Variants in IGSF11 observed in about 807,000 individuals in gnomAD.
IGSF11 encodes immunoglobulin superfamily member 11.
In IGSF11, 22 loss-of-function variants were observed where a neutral mutation model predicts 41.0. The ratio of observed to expected loss-of-function variants is 0.54; its 90% CI spans 0.38 to 0.77. The LOEUF (loss-of-function observed/expected upper bound fraction) is 0.77. IGSF11 is among the 30% of genes least tolerant of loss of function. The pLI is 0.00. For synonymous variants in IGSF11, 219 were observed against 201.3 expected (o/e 1.09, Z -0.74); for missense variants, 444 against 530.8 (o/e 0.84, Z 1.61).
chr3:119,020,148 A>G (rs914663759), intron 1 of IGSF11, among the ~76,000 whole-genome samples: 10 of 152,176 alleles, frequency 6.6e-5, no homozygotes, highest in Non-Finnish European at 1.5e-4. Context: ...TAAGCCACCT[A>G]GTCTATTGTA....
intron 1 of IGSF11, among the ~76,000 whole-genome samples, chr3:119,045,818 T>C (rs972929255): frequency 5.3e-5 from 8 of 151,748 alleles, no homozygotes; most frequent in Admixed American, 5.3e-4. Context: ...GACTGCCTCC[T>C]CAAGTGGGTC....
chr3:118,965,923 T>C (rs1945643386), intron 1 of IGSF11, among the ~76,000 whole-genome samples: 1 of 151,728 alleles, frequency 6.6e-6, no homozygotes, highest in East Asian at 1.9e-4. Context: ...GTTGGGTGGA[T>C]GAGTTCTGGG....
chr3:119,033,896 TAAC>T (rs953060055), intron 1 of IGSF11, among the ~76,000 whole-genome samples: 5 of 152,232 alleles, frequency 3.3e-5, no homozygotes, highest in African/African-American at 7.2e-5. Flanking sequence ...TAAAAACCGT[TAAC>T]AAGAAATTTA....
intron 1 of IGSF11, among the ~76,000 whole-genome samples, chr3:119,088,155 T>C (rs1213199183): frequency 6.6e-6 from 1 of 152,034 alleles, no homozygotes; most frequent in East Asian, 1.9e-4. Flanking sequence ...TATTCTAAGA[T>C]TGACACATGC....
At chr3:119,138,065 CT>C (rs2077586443) in intron 1 of IGSF11, among the ~76,000 whole-genome samples, 1 of 151,198 alleles carries the variant, frequency 6.6e-6, no homozygotes, top group South Asian at 2.1e-4. Flanking sequence ...ACATTGAATG[CT>C]GGTGAGGATG....
intron 1 of IGSF11, among the ~76,000 whole-genome samples, chr3:119,111,378 C>T (rs1420798504): frequency 3.2e-4 from 49 of 152,304 alleles, no homozygotes; most frequent in South Asian, 1.9e-3. Flanking sequence ...TCCAGTTGAT[C>T]GCATCAGCTC....
intron 1 of IGSF11, among the ~76,000 whole-genome samples, chr3:119,007,441 G>T (rs947641003): frequency 6.6e-6 from 1 of 151,842 alleles, no homozygotes; most frequent in Non-Finnish European, 1.5e-5. Flanking sequence ...GCTCACGCTG[G>T]GAGCTGTAGA....
At chr3:118,962,116 C>G (rs1945376127) in intron 1 of IGSF11, among the ~76,000 whole-genome samples, 1 of 152,098 alleles carries the variant, frequency 6.6e-6, no homozygotes, top group African/African-American at 2.4e-5. Flanking sequence ...ACTACATATT[C>G]CTGTGCTTAA....
intron 1 of IGSF11, among the ~76,000 whole-genome samples, chr3:119,112,495 G>T (rs2107521667): frequency 6.6e-6 from 1 of 152,304 alleles, no homozygotes; most frequent in Admixed American, 6.5e-5. Flanking sequence ...GGTGCCGTCT[G>T]TCACCCCTTT....
intron 1 of IGSF11, among the ~76,000 whole-genome samples, chr3:119,141,908 T>C (rs1198560341): frequency 1.3e-5 from 2 of 151,994 alleles, no homozygotes; most frequent in African/African-American, 4.8e-5. Flanking sequence ...ACTAAAATCA[T>C]GGTTAAATAA....
intron 1 of IGSF11, among the ~76,000 whole-genome samples, chr3:118,935,375 T>TAC (rs551306391): frequency 0.015 from 1,736 of 113,468 alleles, 34 homozygotes; most frequent in African/African-American, 0.05. Context: ...CTGAGATATA[T>TAC]ACACACACAC....
intron 1 of IGSF11, among the ~76,000 whole-genome samples, chr3:119,095,409 C>T (rs2107499776): frequency 6.6e-6 from 1 of 152,266 alleles, no homozygotes; most frequent in Admixed American, 6.5e-5. Context: ...TACAGGTGAC[C>T]TTATTGTCAG....
intron 1 of IGSF11, among the ~76,000 whole-genome samples, chr3:119,055,019 CCAA>C (rs1941770507): frequency 6.6e-6 from 1 of 152,148 alleles, no homozygotes; most frequent in African/African-American, 2.4e-5. Flanking sequence ...TGGCGGTTCA[CCAA>C]TATCCGTTGT....
At chr3:119,086,429 A>G (rs1385331478) in intron 1 of IGSF11, among the ~76,000 whole-genome samples, 1 of 152,158 alleles carries the variant, frequency 6.6e-6, no homozygotes, top group Non-Finnish European at 1.5e-5. Context: ...CCCAAGGAAC[A>G]GTGTCATCAG....
chr3:118,976,683 G>A (rs887419601), intron 1 of IGSF11, among the ~76,000 whole-genome samples: 3 of 152,180 alleles, frequency 2.0e-5, no homozygotes, highest in African/African-American at 7.2e-5. Context: ...CTTCTTCCCC[G>A]AAGTTATAAG....
intron 1 of IGSF11, among the ~76,000 whole-genome samples, chr3:119,074,903 C>T (rs2076467223): frequency 6.6e-6 from 1 of 151,908 alleles, no homozygotes; most frequent in Admixed American, 6.6e-5. Context: ...CTCAAATTAA[C>T]CTAACATCAG....
rs139259849 is a variant in IGSF11 at position 118,990,366 on chromosome 3, G to A, written c.52+44165C>T. 5.1e-4 allele frequency among the ~76,000 whole-genome samples: 77 copies of A among 152,230 alleles called. 1 individual carries two copies. The highest frequency in any genetic ancestry group is 1.8e-3 in the African/African-American group (74 of 41,554). On this transcript the variant is annotated intron_variant, in intron 1 of 6. Transcript: ENST00000393775. ...AAAGAATGGCTTAGAGAAATGTTTT[G>A]AAAGTATGGATGCATAATGTGCCTT...
upstream of IGSF11, chr3:119,034,964 C>G (rs536771181): frequency 2.8e-3 from 1,407 of 496,616 alleles, 26 homozygotes; most frequent in African/African-American, 0.027. Context: ...CCAGGGCAAC[C>G]GCGGCTCCAG....
chr3:118,947,123 C>A (rs1236008975), intron 1 of IGSF11: 1 of 152,258 alleles, frequency 6.6e-6, no homozygotes, highest in Non-Finnish European at 1.5e-5. Flanking sequence ...CTCTGATATA[C>A]TGAACCCAAC....
Sources: gnomAD v4.1 joint callset for allele counts (sites outside exome capture counted in the v4.1 genomes callset) on GRCh38, gnomAD v4.1.1 for gene constraint, MANE v1.5 for transcripts, NCBI Gene and HGNC (gene_info 2026-07-23, HGNC 2026-07-21) for gene names.